The following ERCC3 variants were observed in gnomAD, a reference collection of about 807,000 sequenced individuals.
ERCC3 encodes general transcription and DNA repair factor IIH helicase/translocase subunit XPB.
Under a neutral mutation model 94.2 loss-of-function variants are expected in ERCC3, and 66 were observed. The observed-to-expected ratio is 0.70, with a 90% CI of 0.57 to 0.86. ERCC3 has a LOEUF of 0.86. Among genes scored for constraint, ERCC3 ranks in the 40% least tolerant of loss-of-function variants. The pLI is 0.00. For synonymous variants in ERCC3, 349 were observed against 369.1 expected, an observed-to-expected ratio of 0.95 and a Z score of 0.63; for missense variants, 829 against 987.1, an observed-to-expected ratio of 0.84 and a Z score of 2.15.
At chr2:127,266,650 C>A (rs556389572) in intron 12 of ERCC3, among the ~76,000 whole-genome samples, 1 of 150,860 alleles carries the variant, frequency 6.6e-6, no homozygotes, top group South Asian at 2.1e-4. Flanking sequence ...TTTATTGAGA[C>A]TTTAATAAAG....
chr2:127,279,148 GA>G lies in ERCC3; in HGVS notation c.1730+24del. 6.5e-7 allele frequency: 1 copy of G among 1,529,000 alleles called. No homozygotes were observed. The highest frequency in any genetic ancestry group is 9.1e-7 in the Non-Finnish European group (1 of 1,103,074). The allele number at this position is 1,529,000 out of a possible 1,614,324, so 94.7% of individuals were successfully genotyped here. ...ATGGGGAAGAGAAACTGGCCTGGAG[GA>G]AGCTCCAAGTTTTCAATTCTTACTT... On this transcript the variant is annotated intron_variant, in intron 10 of 14. Transcript: ENST00000285398. This position sits in a 1 kb window ranked among gnomAD's most constrained non-coding sequence, Gnocchi z 4.7.
chr2:127,279,438 T>C lies in ERCC3; in HGVS notation c.1528-63A>G, dbSNP rs1684839698. 5 of 1,262,014 alleles carry C rather than the reference T, an allele frequency of 4.0e-6. No homozygotes were observed. The highest frequency in any genetic ancestry group is 1.9e-4 in the Middle Eastern group (1 of 5,382). 78.2% of individuals were successfully genotyped at this position (1,262,014 alleles called of 1,614,324 possible). ...TTAAACACCACACAATTTAAAACTT[T>C]TGAAGACCTTTCTCTAGCAGAATTA... On this transcript the variant is annotated intron_variant, in intron 9 of 14. Transcript: ENST00000285398. This position sits in a 1 kb window ranked among gnomAD's most constrained non-coding sequence, Gnocchi z 4.7.
Position 127,274,114 on chromosome 2 carries a change from G to A in ERCC3, c.1731-1153C>T, listed in dbSNP as rs943891856. On this transcript the variant is annotated intron_variant, in intron 10 of 14. Transcript: ENST00000285398. The surrounding 1 kb of genome is among the most constrained non-coding windows in gnomAD (Gnocchi z 4.0). ...GGATCACCTGAGGCCAGGAGTTCGA[G>A]ACCAGCCTGGCCAACATGGTGAGAC... Among the ~76,000 whole-genome samples the A allele has an allele frequency of 2.2e-4, 33 of 151,606 alleles. No homozygotes were observed. The highest frequency in any genetic ancestry group is 2.9e-4 in the Non-Finnish European group (20 of 67,984).
rs56409822 is a variant in ERCC3 at position 127,261,156 on chromosome 2, C to T, written c.2064+72G>A. On this transcript the variant is annotated intron_variant, in intron 13 of 14. Transcript: ENST00000285398. Reference sequence around the variant, plus strand: ...GTGCCTGCCTGCTGACAGTGGCCCTCGCTTCTCCTGGAGGCCAGGGTATCA... The same window carrying T: ...GTGCCTGCCTGCTGACAGTGGCCCTTGCTTCTCCTGGAGGCCAGGGTATCA... 3.5e-4 allele frequency: 308 copies of T among 885,822 alleles called. 1 individual carries two copies. The East Asian group carries it at 3.9e-3, about 11-fold the overall frequency. 54.9% of individuals were successfully genotyped at this position (885,822 alleles called of 1,614,324 possible). A position where few individuals can be genotyped will look rare whatever the true frequency, so the allele number is the denominator to read the frequency against.
In ERCC3 at chr2:127,288,648, G is replaced by C; in HGVS notation, c.1027+12C>G. The C allele has an allele frequency of 4.3e-6, 7 of 1,611,610 alleles. No individual in the cohort carries two copies. The highest frequency in any genetic ancestry group is 5.9e-6 in the Non-Finnish European group (7 of 1,177,758). On this transcript the variant is annotated intron_variant, in intron 7 of 14. Coordinates refer to ENST00000285398, the MANE Select transcript of ERCC3 (RefSeq NM_000122.2). ...ACAGCCTGACCACCTTCTTAACTCT[G>C]GTACCACTTACCGCAGGGAAGAACA...
chr2:127,261,607 T>C, intron 12 of ERCC3: 2 of 453,252 alleles, frequency 4.4e-6, no homozygotes, highest in Non-Finnish European at 8.2e-6. Context: ...ATCTAGGTTA[T>C]ACAAAGAACT....
rs1041713631 is a variant in ERCC3, at chr2:127,271,693, G to C, written c.1828-240C>G. On this transcript the variant is annotated intron_variant, in intron 11 of 14. Transcript: ENST00000285398. The surrounding 1 kb of genome is among the most constrained non-coding windows in gnomAD (Gnocchi z 5.0). ...AGTCATCCTGAAGAATTAATACCAG[G>C]CATCAGTGACATTCAGTGCTGGGTG... is the stretch of plus-strand genomic sequence containing the variant. 2.0e-5 allele frequency among the ~76,000 whole-genome samples: 3 copies of C among 152,238 alleles called. No homozygotes were observed. The highest frequency in any genetic ancestry group is 4.2e-4 in the South Asian group (2 of 4,816).
Position 127,280,429 on chromosome 2 carries a change from C to G in ERCC3, c.1527+18G>C. The stretch of plus-strand genomic sequence containing the variant: ...GAGGAGGCCCTTTCCCAGACGCCCC[C>G]AGCCCAGGCCCAGCTACCTCAGCAC... On this transcript the variant is annotated intron_variant, in intron 9 of 14. Transcript: ENST00000285398. This position sits in a 1 kb window ranked among gnomAD's most constrained non-coding sequence, Gnocchi z 6.3. 1 of 1,604,828 alleles carries G rather than the reference C, an allele frequency of 6.2e-7. No homozygotes were observed.
rs1684136803 is a variant in ERCC3 at position 127,259,801 on chromosome 2, G to A, written c.2065-353C>T. The A allele has an allele frequency of 2.7e-6, 1 of 364,332 alleles. No homozygotes were observed. Among genetic ancestry groups the A allele is most frequent in the African/African-American group, 2.1e-5 (1 of 47,408 alleles). 22.6% of individuals were successfully genotyped at this position (364,332 alleles called of 1,614,324 possible). A position where few individuals can be genotyped will look rare whatever the true frequency, so the allele number is the denominator to read the frequency against. ...ACATCTTGGAGCAGACAAAGGAAGGGACAAGTGACTGGAAGGCACAGGCTG... is the reference window on the plus strand; with the variant it reads ...ACATCTTGGAGCAGACAAAGGAAGGAACAAGTGACTGGAAGGCACAGGCTG... On this transcript the variant is annotated intron_variant, in intron 13 of 14. Coordinates refer to ENST00000285398, the MANE Select transcript of ERCC3 (RefSeq NM_000122.2). This position sits in a 1 kb window ranked among gnomAD's most constrained non-coding sequence, Gnocchi z 4.9.
rs923621785 is a variant in ERCC3 at position 127,280,164 on chromosome 2, A to T, written c.1527+283T>A. ...GGCCTTCATTCATCCCTGTGCCCTG[A>T]ATGCTAATCCTCACCCACAGAAATC... On this transcript the variant is annotated intron_variant, in intron 9 of 14. Coordinates refer to ENST00000285398, the MANE Select transcript of ERCC3 (RefSeq NM_000122.2). This position sits in a 1 kb window ranked among gnomAD's most constrained non-coding sequence, Gnocchi z 6.3. Among the ~76,000 whole-genome samples, 1 of 152,210 alleles carries T rather than the reference A, an allele frequency of 6.6e-6. No homozygotes were observed. Among genetic ancestry groups the T allele is most frequent in the Non-Finnish European group, 1.5e-5 (1 of 68,038 alleles).
Position 127,271,561 on chromosome 2 carries a change from T to C in ERCC3, c.1828-108A>G. 1 of 830,950 alleles carries C rather than the reference T, an allele frequency of 1.2e-6. No individual in the cohort carries two copies. Among genetic ancestry groups the C allele is most frequent in the Non-Finnish European group, 2.1e-6 (1 of 482,882 alleles). 51.5% of individuals were successfully genotyped at this position (830,950 alleles called of 1,614,324 possible). ...TAATTTTGAAACATAATCACTCTTT[T>C]CTCCTCTTTATACCAGGGTCTATCT... On this transcript the variant is annotated intron_variant, in intron 11 of 14. Coordinates refer to ENST00000285398, the MANE Select transcript of ERCC3 (RefSeq NM_000122.2). The surrounding 1 kb of genome is among the most constrained non-coding windows in gnomAD (Gnocchi z 5.0).
chr2:127,279,193 T>C lies in ERCC3; in HGVS notation c.1710A>G (p.Glu570=), dbSNP rs1684831294. The C allele has an allele frequency of 1.9e-6, 3 of 1,613,204 alleles. No individual in the cohort carries two copies. Among genetic ancestry groups the C allele is most frequent in the Non-Finnish European group, 1.7e-6 (2 of 1,179,140 alleles). ...CTTACTTGTTCAGTCGAATGGCATA[T>C]TCCTTTAGGGCAAACACATTGTCAG... The part of the protein sequence containing the change: ...VFADNVFALK[E]YAIRLNKPYI... Residue 570 remains glutamate (E), a synonymous_variant, in exon 10 of 15, where the codon GAA becomes GAG. Transcript: ENST00000285398. The surrounding 1 kb of genome is among the most constrained non-coding windows in gnomAD (Gnocchi z 4.7).
chr2:127,287,098 A>G, intron 7 of ERCC3, 81 bp from the exon 8 acceptor site: 1 of 1,082,702 alleles, frequency 9.2e-7, no homozygotes, highest in Non-Finnish European at 1.4e-6. Flanking sequence ...TCACAAGTAC[A>G]GCAATCTAGG....
intron 8 of ERCC3, among the ~76,000 whole-genome samples, chr2:127,286,129 G>A (rs1236950932): frequency 6.6e-6 from 1 of 152,074 alleles, no homozygotes; most frequent in Non-Finnish European, 1.5e-5. Flanking sequence ...TTTTTAGAGG[G>A]CCATTAAAAA....
chr2:127,289,169 C>G (rs1419905101), intron 6 of ERCC3, among the ~76,000 whole-genome samples, 168 bp downstream of exon 6: 2 of 152,174 alleles, frequency 1.3e-5, no homozygotes, highest in East Asian at 3.8e-4. Flanking sequence ...TTAACTCCAT[C>G]AGGAGAAATG....
chr2:127,261,735 T>C (rs751563197), intron 12 of ERCC3: 14 of 287,478 alleles, frequency 4.9e-5, no homozygotes, highest in Non-Finnish European at 9.4e-5. Flanking sequence ...CTCCACACCA[T>C]TAATCACCAG....
rs200361738 is a variant in ERCC3 at position 127,289,508 on chromosome 2, G to C, written c.658-7C>G. 105 of 1,612,310 alleles carry C rather than the reference G, an allele frequency of 6.5e-5. No homozygotes were observed. The highest frequency in any genetic ancestry group is 2.2e-4 in the Middle Eastern group (1 of 4,632). ...TTTCAGCAGTCTTAGAAATCTGTGA[G>C]AGAGGTAGGTGCTGAACGTGCACAC... On this transcript the variant is annotated splice_region_variant and splice_polypyrimidine_tract_variant and intron_variant, in intron 5 of 14. Coordinates refer to ENST00000285398, the MANE Select transcript of ERCC3 (RefSeq NM_000122.2).
chr2:127,291,603 A>G lies in ERCC3; in HGVS notation c.471+1007T>C, dbSNP rs1685272758. ...ACAGGAAAAGAGAGTTCTCTCCAGG[A>G]CTCCTGCAGCTTCTCTGGGACTGGC... On this transcript the variant is annotated intron_variant, in intron 3 of 14. Transcript: ENST00000285398. The surrounding 1 kb of genome is among the most constrained non-coding windows in gnomAD (Gnocchi z 4.9). Among the ~76,000 whole-genome samples, 1 of 151,876 alleles carries G rather than the reference A, an allele frequency of 6.6e-6. No individual in the cohort carries two copies. The highest frequency in any genetic ancestry group is 2.1e-4 in the South Asian group (1 of 4,812).
rs757721410 is a variant in ERCC3 at position 127,277,312 on chromosome 2, G to C, written c.1730+1861C>G. On this transcript the variant is annotated intron_variant, in intron 10 of 14. Coordinates refer to ENST00000285398, the MANE Select transcript of ERCC3 (RefSeq NM_000122.2). This position sits in a 1 kb window ranked among gnomAD's most constrained non-coding sequence, Gnocchi z 5.1. The stretch of plus-strand genomic sequence containing the variant: ...TTATGGTTATGTGAAGACTTTGGAG[G>C]GGAATAATTATTCAATGCACAGAAA... Among the ~76,000 whole-genome samples the C allele has an allele frequency of 6.6e-6, 1 of 152,082 alleles. No homozygotes were observed. The highest frequency in any genetic ancestry group is 1.5e-5 in the Non-Finnish European group (1 of 68,026).
Sources: allele counts gnomAD v4.1 joint callset (sites outside exome capture counted in the v4.1 genomes callset), GRCh38; gene constraint gnomAD v4.1.1; non-coding constraint Gnocchi (gnomAD v3.1); transcripts MANE v1.5; gene names NCBI Gene and HGNC (gene_info 2026-07-23, HGNC 2026-07-21).